Variants in ATP1A2 observed in about 807,000 individuals in gnomAD.
The protein encoded by ATP1A2 is ATPase Na+/K+ transporting subunit alpha 2, also known as sodium/potassium-transporting ATPase subunit alpha-2.
Under a neutral mutation model 113.1 loss-of-function variants are expected in ATP1A2, and 56 were observed. The observed-to-expected ratio is 0.49, with a 90% CI of 0.40 to 0.62. ATP1A2 has a LOEUF of 0.62. ATP1A2 is among the 20% of genes least tolerant of loss of function. ATP1A2 has a pLI of 0.00. For synonymous variants in ATP1A2, 490 were observed against 526.8 expected, an observed-to-expected ratio of 0.93 and a Z score of 0.96; for missense variants, 712 against 1,357.8, an observed-to-expected ratio of 0.52 and a Z score of 7.47.
intron 20 of ATP1A2, among the ~76,000 whole-genome samples, chr1:160,137,441 G>A (rs911319797): frequency 3.3e-5 from 5 of 152,170 alleles, no homozygotes; most frequent in Admixed American, 2.0e-4. Flanking sequence ...CGGGTTCAGC[G>A]CTTCTTGCAG....
chr1:160,139,374 G>C (rs1415215696), intron 20 of ATP1A2, among the ~76,000 whole-genome samples: 1 of 152,134 alleles, frequency 6.6e-6, no homozygotes, highest in Non-Finnish European at 1.5e-5. Context: ...CTCCAGTACA[G>C]AACACGTCAC....
Position 160,124,018 on chromosome 1 carries a change from T to G in ATP1A2, c.457T>G (p.Ser153Ala). 4.3e-6 allele frequency: 7 copies of G among 1,614,124 alleles called. No individual in the cohort carries two copies. The highest frequency in any genetic ancestry group is 5.1e-6 in the Non-Finnish European group (6 of 1,180,000). The change falls in exon 5 of 23, where the codon TCC becomes GCC. Residue 153 changes from serine to alanine, a missense_variant. Ser to Ala is a moderately conservative substitution (Grantham distance 99, BLOSUM62 1). This residue lies in a region of ATP1A2 where 9 missense variants were observed against 42.6 expected (regional missense o/e 0.21). Transcript: ENST00000361216. ...CTCCTACTACCAGGAGGCCAAGAGC[T>G]CCAAGATCATGGATTCCTTCAAGAA... ...CFSYYQEAKS[S>A]KIMDSFKNMV...
At chr1:160,125,325 G>T (rs1258178108) in intron 7 of ATP1A2, 72 bp downstream of exon 7, 1 of 1,421,294 alleles carries the variant, frequency 7.0e-7, no homozygotes, top group Admixed American at 1.7e-5. Context: ...AAGGGCTCTG[G>T]TAGTACTTAC....
At position 160,129,099 on chromosome 1, in the gene ATP1A2, C is replaced by A; in HGVS notation, c.1326+10C>A. 1 of 1,610,768 alleles carries A rather than the reference C, an allele frequency of 6.2e-7. No individual in the cohort carries two copies. The highest frequency in any genetic ancestry group is 8.5e-7 in the Non-Finnish European group (1 of 1,178,962). Reference sequence around the variant, plus strand: ...CATCTCCGTGTCTAAGGTAGGGGGTCAGGACACACACCAGGTATGTTTTGG... The same window carrying A: ...CATCTCCGTGTCTAAGGTAGGGGGTAAGGACACACACCAGGTATGTTTTGG... On this transcript the variant is annotated intron_variant, in intron 10 of 22. Transcript: ENST00000361216.
intron 13 of ATP1A2, among the ~76,000 whole-genome samples, chr1:160,134,029 TAC>T (rs991039028): frequency 2.1e-4 from 32 of 148,870 alleles, no homozygotes; most frequent in African/African-American, 7.7e-4. Context: ...CCACCTCACA[TAC>T]ACACACATCC....
chr1:160,123,329 C>T lies in ATP1A2; in HGVS notation c.294C>T (p.Phe98=). The T allele has an allele frequency of 6.2e-7, 1 of 1,614,232 alleles. No individual in the cohort carries two copies. ...TCTGCCGTCAGCTTTTCGGGGGGTT[C>T]TCCATCCTGCTGTGGATTGGGGCTA... ...VKFCRQLFGG[F]SILLWIGAIL... is the part of the protein sequence containing the mutation. Residue 98 remains phenylalanine, a synonymous_variant, in exon 4 of 23, where the codon TTC becomes TTT. Coordinates refer to ENST00000361216, the MANE Select transcript of ATP1A2 (RefSeq NM_000702.4).
chr1:160,135,611 G>T lies in ATP1A2; in HGVS notation c.2284+9G>T. ...CACGGGGGTGGAGGAGGGTGAGGAGGCTGCATGGGTTGGGATGGTTTGCAG... is the reference window on the plus strand; with the variant it reads ...CACGGGGGTGGAGGAGGGTGAGGAGTCTGCATGGGTTGGGATGGTTTGCAG... On this transcript the variant is annotated intron_variant, in intron 16 of 22. Transcript: ENST00000361216. This position sits in a 1 kb window ranked among gnomAD's most constrained non-coding sequence, Gnocchi z 6.3. 1 of 1,613,444 alleles carries T rather than the reference G, an allele frequency of 6.2e-7. No homozygotes were observed. Among genetic ancestry groups the T allele is most frequent in the Non-Finnish European group, 8.5e-7 (1 of 1,180,006 alleles).
intron 4 of ATP1A2, 145 bp downstream of exon 4, chr1:160,123,561 G>C: frequency 2.0e-6 from 2 of 1,022,382 alleles, no homozygotes; most frequent in Non-Finnish European, 2.9e-6. Context: ...AAGGGGAGAG[G>C]CTTCTATATA....
In ATP1A2 at chr1:160,143,442, G is replaced by A. The variant is rs1362207525; in HGVS notation, c.*2120G>A. On this transcript the variant is annotated 3_prime_UTR_variant, in exon 23 of 23. Transcript: ENST00000361216. ...TTAGAAATATCCTTTTAGAAGCAGC[G>A]AGTGCATGGGCTAATTATCATCAAT... 2 of 152,592 alleles carry A rather than the reference G, an allele frequency of 1.3e-5. No individual in the cohort carries two copies. Among genetic ancestry groups the A allele is most frequent in the African/African-American group, 2.4e-5 (1 of 41,430 alleles). 9.5% of individuals were successfully genotyped at this position (152,592 alleles called of 1,614,324 possible).
intron 1 of ATP1A2, 111 bp from the exon 2 acceptor site, chr1:160,120,795 C>G (rs919451420): frequency 2.7e-6 from 3 of 1,130,662 alleles, no homozygotes; most frequent in Non-Finnish European, 2.6e-6. Flanking sequence ...CCAAGGCAGC[C>G]GCTGCTTTTG....
Position 160,135,779 on chromosome 1 carries a change from G to C in ATP1A2, c.2285-60G>C. On this transcript the variant is annotated intron_variant, in intron 16 of 22. Transcript: ENST00000361216. The surrounding 1 kb of genome is among the most constrained non-coding windows in gnomAD (Gnocchi z 6.3). ...GGGAAGACAGGCAGCCATGCTTCAG[G>C]GGCTGGGGGTGGGGAAGAGTCCCTC... The C allele has an allele frequency of 6.2e-7, 1 of 1,613,356 alleles. No individual in the cohort carries two copies. Among genetic ancestry groups the C allele is most frequent in the Non-Finnish European group, 8.5e-7 (1 of 1,179,418 alleles).
rs371081594 is a variant in ATP1A2, at chr1:160,125,122, T to C, written c.631-14T>C. Reference sequence around the variant, plus strand: ...CTCTGCCAGTCTGATGACTATGCACTCCTTCCTCCTCAGGTGGATAACTCA... The same window carrying C: ...CTCTGCCAGTCTGATGACTATGCACCCCTTCCTCCTCAGGTGGATAACTCA... On this transcript the variant is annotated splice_polypyrimidine_tract_variant and intron_variant, in intron 6 of 22. Coordinates refer to ENST00000361216, the MANE Select transcript of ATP1A2 (RefSeq NM_000702.4). 8.7e-6 allele frequency: 14 copies of C among 1,611,590 alleles called. No individual in the cohort carries two copies. The highest frequency in any genetic ancestry group is 1.1e-5 in the Non-Finnish European group (13 of 1,177,688).
At chr1:160,137,895 AG>A (rs1652006539) in intron 20 of ATP1A2, among the ~76,000 whole-genome samples, 6 of 152,226 alleles carry the variant, frequency 3.9e-5, no homozygotes, top group Admixed American at 3.9e-4. Flanking sequence ...TAAAGTGAAA[AG>A]CCTGTTAGAT....
At chr1:160,129,583 C>T (rs1389990395) in intron 11 of ATP1A2, among the ~76,000 whole-genome samples, 183 bp downstream of exon 11, 6 of 152,082 alleles carry the variant, frequency 3.9e-5, no homozygotes, top group Non-Finnish European at 7.3e-5. Context: ...CCCCAGCTCC[C>T]AAACCTTACT....
At chr1:160,121,762 C>T (rs1651407926) in intron 3 of ATP1A2, among the ~76,000 whole-genome samples, 1 of 152,366 alleles carries the variant, frequency 6.6e-6, no homozygotes, top group East Asian at 1.9e-4. Context: ...GGGAGAGTAA[C>T]TTCCCAAGGT....
At chr1:160,124,861 G>A (rs1651536101) in intron 6 of ATP1A2, among the ~76,000 whole-genome samples, 1 of 152,184 alleles carries the variant, frequency 6.6e-6, no homozygotes, top group African/African-American at 2.4e-5. Flanking sequence ...GCAAGGCAGA[G>A]ATTCTGTTTA....
At position 160,130,731 on chromosome 1, in the gene ATP1A2, A is replaced by G. The variant is rs74494644; in HGVS notation, c.1827+134A>G. On this transcript the variant is annotated intron_variant, in intron 13 of 22. Coordinates refer to ENST00000361216, the MANE Select transcript of ATP1A2 (RefSeq NM_000702.4). ...CACTGACTCAGAGAAGAAGCTGTCC[A>G]TCTGCAAGGAAAGGCCCACCCCTGC... 3,494 of 1,298,644 alleles carry G rather than the reference A, an allele frequency of 2.7e-3. 14 individuals are homozygous for G. The highest frequency in any genetic ancestry group is 0.012 in the African/African-American group (826 of 67,686). The allele number at this position is 1,298,644 out of a possible 1,614,324, so 80.4% of individuals were successfully genotyped here. A position where few individuals can be genotyped will look rare whatever the true frequency, so the allele number is the denominator to read the frequency against.
rs544487492 is a variant in ATP1A2 at position 160,142,909 on chromosome 1, C to T, written c.*1587C>T. The T allele has an allele frequency of 3.9e-5, 6 of 152,352 alleles. No homozygotes were observed. In the South Asian group the frequency reaches 1.0e-3, roughly 26 times the overall value. 9.4% of individuals were successfully genotyped at this position (152,352 alleles called of 1,614,324 possible). ...GATCATTGTGCCCACTTACCCTGGG[C>T]TGGAGAGTTGGTTTCAGGTTCCTAC... On this transcript the variant is annotated 3_prime_UTR_variant, in exon 23 of 23. Transcript: ENST00000361216.
chr1:160,138,070 A>G (rs1466392962), intron 20 of ATP1A2, among the ~76,000 whole-genome samples: 2 of 152,342 alleles, frequency 1.3e-5, no homozygotes, highest in Admixed American at 6.5e-5. Context: ...GAAGGTGGGA[A>G]CATGGCCATA....
Sources: gnomAD v4.1 joint callset for allele counts (sites outside exome capture counted in the v4.1 genomes callset) on GRCh38, gnomAD v4.1.1 for gene constraint, gnomAD v4.1.1 regional missense constraint, Gnocchi (gnomAD v3.1) non-coding constraint, MANE v1.5 for transcripts, NCBI Gene and HGNC (gene_info 2026-07-23, HGNC 2026-07-21) for gene names.